BRIP1: variants seen among roughly 807,000 people sequenced by gnomAD.
The protein encoded by BRIP1 is BRCA1 interacting DNA helicase 1, also known as Fanconi anemia group J protein.
Under a neutral mutation model 119.7 loss-of-function variants are expected in BRIP1, and 88 were observed. The ratio of observed to expected loss-of-function variants is 0.74; its 90% CI spans 0.62 to 0.88. BRIP1 has a LOEUF of 0.88. BRIP1 is among the 40% of genes least tolerant of loss of function. BRIP1 has a pLI of 0.00. For missense variants in BRIP1, 1,259 were observed against 1,455.4 expected (o/e 0.87, Z 2.20); for synonymous variants, 443 against 496.5 (o/e 0.89, Z 1.43).
rs1346239689 is a variant in BRIP1 at position 61,799,719 on chromosome 17, A to G, written c.1141-420T>C. ...CCTTTAAAAGTAAAATAACAATACA[A>G]GATTAAAAGCATAAAACCTTTAAAA... On this transcript the variant is annotated intron_variant, in intron 8 of 19. Coordinates refer to ENST00000259008, the MANE Select transcript of BRIP1 (RefSeq NM_032043.3). This position sits in a 1 kb window ranked among gnomAD's most constrained non-coding sequence, Gnocchi z 5.1. 6.6e-6 allele frequency among the ~76,000 whole-genome samples: 1 copy of G among 152,182 alleles called. No individual in the cohort carries two copies. Among genetic ancestry groups the G allele is most frequent in the Non-Finnish European group, 1.5e-5 (1 of 68,020 alleles).
intron 6 of BRIP1, among the ~76,000 whole-genome samples, chr17:61,819,815 G>T (rs2078294012): frequency 6.6e-6 from 1 of 152,088 alleles, no homozygotes; most frequent in Non-Finnish European, 1.5e-5. Context: ...CTTAGTATTT[G>T]CTAGCACAAC....
chr17:61,683,132 A>C lies in BRIP1; in HGVS notation c.*164T>G. 1.1e-6 allele frequency: 1 copy of C among 899,146 alleles called. No homozygotes were observed. The highest frequency in any genetic ancestry group is 1.8e-5 in the South Asian group (1 of 55,474). 55.7% of individuals were successfully genotyped at this position (899,146 alleles called of 1,614,324 possible). ...GGCAACAGACCAAGACTCTGTCTCA[A>C]AAAAAAAAACCCAAAAACTCAAGAA... On this transcript the variant is annotated 3_prime_UTR_variant, in exon 20 of 20. Coordinates refer to ENST00000259008, the MANE Select transcript of BRIP1 (RefSeq NM_032043.3). The surrounding 1 kb of genome is among the most constrained non-coding windows in gnomAD (Gnocchi z 4.7).
chr17:61,830,872 A>C (rs2145617242), intron 6 of BRIP1, among the ~76,000 whole-genome samples: 1 of 152,328 alleles, frequency 6.6e-6, no homozygotes, highest in South Asian at 2.1e-4. Context: ...AGAATCCTTA[A>C]CAAAATTTAG....
rs990677470 is a variant in BRIP1 at position 61,703,872 on chromosome 17, A to G, written c.2493-10360T>C. Among the ~76,000 whole-genome samples, 1 of 152,072 alleles carries G rather than the reference A, an allele frequency of 6.6e-6. No homozygotes were observed. Among genetic ancestry groups the G allele is most frequent in the South Asian group, 2.1e-4 (1 of 4,830 alleles). ...GCTTACGGCTAGCCAGTTAGGTCCC[A>G]CTTGTCAATTTTTGTTTTGTTGCAA... On this transcript the variant is annotated intron_variant, in intron 17 of 19. Coordinates refer to ENST00000259008, the MANE Select transcript of BRIP1 (RefSeq NM_032043.3). The surrounding 1 kb of genome is among the most constrained non-coding windows in gnomAD (Gnocchi z 5.0).
At chr17:61,711,696 C>T (rs1177593225) in intron 17 of BRIP1, among the ~76,000 whole-genome samples, 1 of 151,840 alleles carries the variant, frequency 6.6e-6, no homozygotes, top group Non-Finnish European at 1.5e-5. Context: ...TAGCGAAACC[C>T]GTCTCTACTA....
At chr17:61,788,986 T>C (rs1415562043) in intron 10 of BRIP1, among the ~76,000 whole-genome samples, 1 of 151,808 alleles carries the variant, frequency 6.6e-6, no homozygotes, top group Non-Finnish European at 1.5e-5. Context: ...CCCAGGTACT[T>C]GGGGGCGCTG....
chr17:61,803,475 G>A lies in BRIP1; in HGVS notation c.919-2001C>T, dbSNP rs564639475. 9.2e-5 allele frequency among the ~76,000 whole-genome samples: 14 copies of A among 152,084 alleles called. No individual in the cohort carries two copies. The highest frequency in any genetic ancestry group is 1.5e-4 in the Non-Finnish European group (10 of 68,010). On this transcript the variant is annotated intron_variant, in intron 7 of 19. Coordinates refer to ENST00000259008, the MANE Select transcript of BRIP1 (RefSeq NM_032043.3). The surrounding 1 kb of genome is among the most constrained non-coding windows in gnomAD (Gnocchi z 4.3). ...CCCAACATTTTGAGAGGCCAAGGCC[G>A]GAGGACTGCATGAGCCTAGGAGTTC...
At position 61,806,299 on chromosome 17, in the gene BRIP1, C is replaced by T. The variant is rs538671354; in HGVS notation, c.918+2168G>A. On this transcript the variant is annotated intron_variant, in intron 7 of 19. Coordinates refer to ENST00000259008, the MANE Select transcript of BRIP1 (RefSeq NM_032043.3). This position sits in a 1 kb window ranked among gnomAD's most constrained non-coding sequence, Gnocchi z 4.9. ...AAGTAAACACAGACACCTATGGTGA[C>T]TTTGTAATTGCCCTTCATTACAATA... 1.3e-5 allele frequency among the ~76,000 whole-genome samples: 2 copies of T among 152,314 alleles called. No homozygotes were observed. The highest frequency in any genetic ancestry group is 1.9e-4 in the East Asian group (1 of 5,186).
rs1373473823 is a variant in BRIP1 at position 61,725,983 on chromosome 17, T to C, written c.2380-9920A>G. 6.6e-6 allele frequency among the ~76,000 whole-genome samples: 1 copy of C among 152,194 alleles called. No individual in the cohort carries two copies. The highest frequency in any genetic ancestry group is 1.5e-5 in the Non-Finnish European group (1 of 68,028). On this transcript the variant is annotated intron_variant, in intron 16 of 19. Coordinates refer to ENST00000259008, the MANE Select transcript of BRIP1 (RefSeq NM_032043.3). This position sits in a 1 kb window ranked among gnomAD's most constrained non-coding sequence, Gnocchi z 5.3. The stretch of plus-strand genomic sequence containing the variant: ...TGTCAATTTAGGTAGGTTATCCATG[T>C]TAAAATATTACTCAAACAAACCTGC...
rs77622652 is a variant in BRIP1 at position 61,757,445 on chromosome 17, A to G, written c.2098-12854T>C. Among the ~76,000 whole-genome samples, 1,010 of 152,278 alleles carry G rather than the reference A, an allele frequency of 6.6e-3. 8 individuals are homozygous for G. Among genetic ancestry groups the G allele is most frequent in the African/African-American group, 0.023 (972 of 41,556 alleles). Reference sequence around the variant, plus strand: ...AGACCTCTGTTGGCAATCTAACTGGAAATGAAGATCCTACAGCCCTCTCTG... The same window carrying G: ...AGACCTCTGTTGGCAATCTAACTGGGAATGAAGATCCTACAGCCCTCTCTG... On this transcript the variant is annotated intron_variant, in intron 14 of 19. Transcript: ENST00000259008. The surrounding 1 kb of genome is among the most constrained non-coding windows in gnomAD (Gnocchi z 4.3).
At chr17:61,765,382 TATATATATATATATATATATATATATATA>T (rs2077342179) in intron 14 of BRIP1, among the ~76,000 whole-genome samples, 5 of 18,302 alleles carry the variant, frequency 2.7e-4, no homozygotes, top group African/African-American at 1.0e-3. Context: ...GTATATATTA[TATATATATATATATATATATATATATATA>T]TATATATATA....
chr17:61,786,271 T>C (rs1323240248), intron 10 of BRIP1, among the ~76,000 whole-genome samples: 1 of 151,852 alleles, frequency 6.6e-6, no homozygotes, highest in Non-Finnish European at 1.5e-5. Context: ...TAAATCATCA[T>C]TATACTTAAC....
chr17:61,835,398 T>C (rs2078556646), intron 6 of BRIP1, among the ~76,000 whole-genome samples: 1 of 151,996 alleles, frequency 6.6e-6, no homozygotes, highest in Non-Finnish European at 1.5e-5. Context: ...TAAGTTTAAA[T>C]ATTTATAGAA....
Position 61,809,795 on chromosome 17 carries a change from G to C in BRIP1, c.628-1038C>G, listed in dbSNP as rs1237337563. Among the ~76,000 whole-genome samples the C allele has an allele frequency of 6.6e-6, 1 of 152,112 alleles. No homozygotes were observed. The highest frequency in any genetic ancestry group is 1.5e-5 in the Non-Finnish European group (1 of 68,018). ...CTGTGTGCTAAAGAGTTTTAATTTA[G>C]TAGAACAAACACTCTACTTGACTGT... On this transcript the variant is annotated intron_variant, in intron 6 of 19. Coordinates refer to ENST00000259008, the MANE Select transcript of BRIP1 (RefSeq NM_032043.3). The surrounding 1 kb of genome is among the most constrained non-coding windows in gnomAD (Gnocchi z 5.2).
At chr17:61,781,615 G>T in intron 11 of BRIP1, among the ~76,000 whole-genome samples, 1 of 151,974 alleles carries the variant, frequency 6.6e-6, no homozygotes, top group Non-Finnish European at 1.5e-5. Context: ...TCTAGAAAAT[G>T]GTTAAGCTTA....
At position 61,857,364 on chromosome 17, in the gene BRIP1, C is replaced by G; in HGVS notation, c.206-133G>C. On this transcript the variant is annotated intron_variant, in intron 3 of 19. Coordinates refer to ENST00000259008, the MANE Select transcript of BRIP1 (RefSeq NM_032043.3). The surrounding 1 kb of genome is among the most constrained non-coding windows in gnomAD (Gnocchi z 5.1). ...TTTTAGGGCTAACACCAGGAAGGTA[C>G]CTGGCAAACCTGGACAAGCTGGTCA... 1.4e-6 allele frequency: 1 copy of G among 723,364 alleles called. No homozygotes were observed. The highest frequency in any genetic ancestry group is 2.2e-6 in the Non-Finnish European group (1 of 455,772). 44.8% of individuals were successfully genotyped at this position (723,364 alleles called of 1,614,324 possible).
intron 10 of BRIP1, among the ~76,000 whole-genome samples, chr17:61,786,696 A>G (rs2077713219): frequency 7.0e-6 from 1 of 143,190 alleles, no homozygotes; most frequent in African/African-American, 2.5e-5. Flanking sequence ...ATTGAGCTAT[A>G]ATTCACATGC....
At position 61,768,693 on chromosome 17, in the gene BRIP1, T is replaced by C. The variant is rs1489771775; in HGVS notation, c.2097+7708A>G. Among the ~76,000 whole-genome samples, 1 of 152,310 alleles carries C rather than the reference T, an allele frequency of 6.6e-6. No individual in the cohort carries two copies. The highest frequency in any genetic ancestry group is 1.9e-4 in the East Asian group (1 of 5,194). ...AGTTTATGATAGCCCCTAAGATTCC[T>C]ACTCCCTATATACAACCTGCATAAA... On this transcript the variant is annotated intron_variant, in intron 14 of 19. Coordinates refer to ENST00000259008, the MANE Select transcript of BRIP1 (RefSeq NM_032043.3). The surrounding 1 kb of genome is among the most constrained non-coding windows in gnomAD (Gnocchi z 5.0).
rs982789135 is a variant in BRIP1, at chr17:61,713,926, C to T, written c.2492+2025G>A. On this transcript the variant is annotated intron_variant, in intron 17 of 19. Coordinates refer to ENST00000259008, the MANE Select transcript of BRIP1 (RefSeq NM_032043.3). The surrounding 1 kb of genome is among the most constrained non-coding windows in gnomAD (Gnocchi z 4.9). Reference sequence around the variant, plus strand: ...TAAGGATATAAAAATTATTTTTGTACAGCTGTATAATTTGTGTTTTAAGCT... The same window carrying T: ...TAAGGATATAAAAATTATTTTTGTATAGCTGTATAATTTGTGTTTTAAGCT... Among the ~76,000 whole-genome samples the T allele has an allele frequency of 6.6e-6, 1 of 151,874 alleles. No individual in the cohort carries two copies. The highest frequency in any genetic ancestry group is 1.5e-5 in the Non-Finnish European group (1 of 67,998).
Sources: gnomAD v4.1 joint callset for allele counts (sites outside exome capture counted in the v4.1 genomes callset) on GRCh38, gnomAD v4.1.1 for gene constraint, Gnocchi (gnomAD v3.1) non-coding constraint, MANE v1.5 for transcripts, NCBI Gene and HGNC (gene_info 2026-07-23, HGNC 2026-07-21) for gene names.